The following ARHGAP39 variants were observed in gnomAD, a reference collection of about 807,000 sequenced individuals.
ARHGAP39 encodes the protein rho GTPase-activating protein 39.
In ARHGAP39, 44 loss-of-function variants were observed where a neutral mutation model predicts 106.9. The observed-to-expected ratio is 0.41, with a 90% CI of 0.32 to 0.53. ARHGAP39 has a LOEUF of 0.53. Among genes scored for constraint, ARHGAP39 ranks in the 20% least tolerant of loss-of-function variants. The pLI, the probability that ARHGAP39 is intolerant of heterozygous loss-of-function variation, is 0.21. For synonymous variants in ARHGAP39, 768 were observed against 693.2 expected (o/e 1.11, Z -1.69); for missense variants, 1,496 against 1,577.3 (o/e 0.95, Z 0.87).
rs568849744 is a variant in ARHGAP39 at position 144,622,331 on chromosome 8, T to C, written c.-81-16636A>G. On this transcript the variant is annotated intron_variant, in intron 1 of 11. Coordinates refer to ENST00000377307, the MANE Select transcript of ARHGAP39 (RefSeq NM_025251.3). Reference sequence around the variant, plus strand: ...GTAGGTTCCAGAAAAACTTCAGCAATGTCCTCACACCCCCATGGCCATGTC... The same window carrying C: ...GTAGGTTCCAGAAAAACTTCAGCAACGTCCTCACACCCCCATGGCCATGTC... 2.6e-4 allele frequency among the ~76,000 whole-genome samples: 39 copies of C among 152,024 alleles called. No individual in the cohort carries two copies. The South Asian group carries it at 7.7e-3, about 30-fold the overall frequency.
At position 144,580,941 on chromosome 8, in the gene ARHGAP39, G is replaced by A. The variant is rs371724981; in HGVS notation, c.417C>T (p.Ser139=). 8.7e-6 allele frequency: 14 copies of A among 1,605,266 alleles called. No homozygotes were observed. In the East Asian group the frequency reaches 2.0e-4, roughly 23 times the overall value. Residue 139 remains serine, a synonymous_variant, in exon 3 of 12, where the codon TCC becomes TCT. Transcript: ENST00000377307. Reference sequence around the variant, plus strand: ...TCTCAGTGTCGGGCTCGGGCTCCAGGGAGGAGCTGGTGCTGCCCTCACGGC... The same window carrying A: ...TCTCAGTGTCGGGCTCGGGCTCCAGAGAGGAGCTGGTGCTGCCCTCACGGC... ...SVSREGSTSS[S]LEPEPDTEKA...
At chr8:144,545,187 C>G (rs1817356444) in intron 6 of ARHGAP39, 62 bp downstream of exon 6, 1 of 1,399,098 alleles carries the variant, frequency 7.1e-7, no homozygotes, top group Non-Finnish European at 9.4e-7. Context: ...CCGCCCAGCA[C>G]AGCAGGAGCC....
rs1386818797 is a variant in ARHGAP39, at chr8:144,581,088, C to G, written c.270G>C (p.Thr90=). ...CGCAGCCCTGCGGCCGGTGCCACAC[C>G]GTGCGCTGCGTGCTGGCATTGTAGT... The part of the protein sequence containing the change: ...FYYYNASTQR[T]VWHRPQGCDI... The change falls in exon 3 of 12, where the codon ACG becomes ACC. Residue 90 remains threonine (T), a synonymous_variant. Coordinates refer to ENST00000377307, the MANE Select transcript of ARHGAP39 (RefSeq NM_025251.3). The G allele has an allele frequency of 1.9e-6, 3 of 1,589,516 alleles. No individual in the cohort carries two copies. The highest frequency in any genetic ancestry group is 2.3e-5 in the East Asian group (1 of 43,958).
At chr8:144,657,718 T>A (rs965405714) in intron 1 of ARHGAP39, among the ~76,000 whole-genome samples, 5 of 152,178 alleles carry the variant, frequency 3.3e-5, no homozygotes, top group African/African-American at 9.7e-5. Context: ...TTCACCATAT[T>A]AACAGACTAA....
At chr8:144,692,307 C>T in the ARHGAP39 span, among the ~76,000 whole-genome samples, 1 of 152,166 alleles carries the variant, frequency 6.6e-6, no homozygotes, top group African/African-American at 2.4e-5. Flanking sequence ...TGGCACCAAC[C>T]CTGGCACTAA....
At chr8:144,582,941 A>T (rs1482990053) in intron 2 of ARHGAP39, among the ~76,000 whole-genome samples, 1 of 152,186 alleles carries the variant, frequency 6.6e-6, no homozygotes, top group Admixed American at 6.5e-5. Context: ...AACTCCCCCC[A>T]AACAAATGCC....
Position 144,548,484 on chromosome 8 carries a change from G to T in ARHGAP39, c.602C>A (p.Ser201Tyr). The T allele has an allele frequency of 1.2e-6, 2 of 1,608,604 alleles. No homozygotes were observed. Among genetic ancestry groups the T allele is most frequent in the Non-Finnish European group, 1.7e-6 (2 of 1,179,090 alleles). Reference protein sequence around the residue: ...ADGQLLHYRTSSLRWNSGAKE... With the variant: ...ADGQLLHYRTYSLRWNSGAKE... The stretch of plus-strand genomic sequence containing the variant: ...GGCGCCCGAGTTCCACCGCAGCGAG[G>T]AGGTCCTGCGTGGGGGGTGGACGGG... The change falls in exon 5 of 12, where the codon TCC (serine) becomes TAC (tyrosine). Residue 201 changes from serine (S) to tyrosine (Y), a missense_variant. Coordinates refer to ENST00000377307, the MANE Select transcript of ARHGAP39 (RefSeq NM_025251.3). The surrounding 1 kb of genome is among the most constrained non-coding windows in gnomAD (Gnocchi z 7.4).
Position 144,639,077 on chromosome 8 carries a change from G to A in ARHGAP39, c.-81-33382C>T, listed in dbSNP as rs369024240. ...AGCGGTGGCTCACGCCTGTAATCCCGACACTTTGGGAGGCCGAGGCAGGTA... is the reference window on the plus strand; with the variant it reads ...AGCGGTGGCTCACGCCTGTAATCCCAACACTTTGGGAGGCCGAGGCAGGTA... On this transcript the variant is annotated intron_variant, in intron 1 of 11. Coordinates refer to ENST00000377307, the MANE Select transcript of ARHGAP39 (RefSeq NM_025251.3). 2.9e-4 allele frequency among the ~76,000 whole-genome samples: 44 copies of A among 152,160 alleles called. 1 individual carries two copies. Among genetic ancestry groups the A allele is most frequent in the South Asian group, 2.3e-3 (11 of 4,812 alleles).
At position 144,547,099 on chromosome 8, in the gene ARHGAP39, A is replaced by G. The variant is rs1470636636; in HGVS notation, c.1959+28T>C. On this transcript the variant is annotated intron_variant, in intron 5 of 11. Coordinates refer to ENST00000377307, the MANE Select transcript of ARHGAP39 (RefSeq NM_025251.3). This position sits in a 1 kb window ranked among gnomAD's most constrained non-coding sequence, Gnocchi z 5.2. The stretch of plus-strand genomic sequence containing the variant: ...TGACTGGGCTGGCCCCAGGCTCTCA[A>G]GCTCAGCCGCGCCCATTGGGCCCTC... 3 of 1,534,480 alleles carry G rather than the reference A, an allele frequency of 2.0e-6. No individual in the cohort carries two copies. The highest frequency in any genetic ancestry group is 1.8e-6 in the Non-Finnish European group (2 of 1,141,714).
intron 3 of ARHGAP39, among the ~76,000 whole-genome samples, chr8:144,562,039 C>T (rs1199139535): frequency 1.4e-5 from 2 of 145,340 alleles, no homozygotes; most frequent in Non-Finnish European, 3.0e-5. Flanking sequence ...TGGTTTCCAT[C>T]GGACTTACTC....
intron 2 of ARHGAP39, among the ~76,000 whole-genome samples, chr8:144,602,654 G>A (rs1323213603): frequency 7.1e-6 from 1 of 140,434 alleles, no homozygotes; most frequent in Non-Finnish European, 1.5e-5. Context: ...TCGTGTACCT[G>A]TGTGCATGGA....
rs148931312 is a variant in ARHGAP39, at chr8:144,538,649, C to T, written c.2522-836G>A. Among the ~76,000 whole-genome samples, 1,495 of 152,274 alleles carry T rather than the reference C, an allele frequency of 9.8e-3. 28 individuals are homozygous for T. The highest frequency in any genetic ancestry group is 0.034 in the African/African-American group (1,413 of 41,540). ...TCAGCTCACTGCAACCTCCACCCACCGCAGCCTCCACCTCCCGGGTTCAAG... is the reference window on the plus strand; with the variant it reads ...TCAGCTCACTGCAACCTCCACCCACTGCAGCCTCCACCTCCCGGGTTCAAG... On this transcript the variant is annotated intron_variant, in intron 6 of 11. Coordinates refer to ENST00000377307, the MANE Select transcript of ARHGAP39 (RefSeq NM_025251.3).
At chr8:144,628,105 G>C (rs1039125315) in intron 1 of ARHGAP39, among the ~76,000 whole-genome samples, 3 of 152,218 alleles carry the variant, frequency 2.0e-5, no homozygotes, top group African/African-American at 7.2e-5. Flanking sequence ...CTCACTCAGG[G>C]TATTTTGACA....
chr8:144,596,010 G>T (rs112232575), intron 2 of ARHGAP39, among the ~76,000 whole-genome samples: 3 of 152,242 alleles, frequency 2.0e-5, no homozygotes, highest in African/African-American at 7.2e-5. Context: ...TACCCGCAGA[G>T]GACACCCAGA....
intron 1 of ARHGAP39, among the ~76,000 whole-genome samples, chr8:144,620,052 G>A (rs562271605): frequency 8.4e-5 from 12 of 143,410 alleles, no homozygotes; most frequent in East Asian, 4.3e-4. Flanking sequence ...GTGCCTGTGC[G>A]TCCCTGAGAG....
intron 1 of ARHGAP39, among the ~76,000 whole-genome samples, chr8:144,657,409 C>CT (rs953913345): frequency 1.1e-4 from 17 of 152,088 alleles, no homozygotes; most frequent in African/African-American, 3.9e-4. Flanking sequence ...GCAGCCAACT[C>CT]TGATCATGCT....
At chr8:144,622,470 CA>C (rs557413794) in intron 1 of ARHGAP39, among the ~76,000 whole-genome samples, 120 of 152,118 alleles carry the variant, frequency 7.9e-4, no homozygotes, top group African/African-American at 2.9e-3. Flanking sequence ...GGCTCTGCCA[CA>C]ATGACCCGAG....
intron 3 of ARHGAP39, among the ~76,000 whole-genome samples, chr8:144,567,973 T>C (rs1339401507): frequency 6.6e-6 from 1 of 152,092 alleles, no homozygotes; most frequent in Admixed American, 6.6e-5. Context: ...TGTCTTTTCT[T>C]TTATCTCTTT....
Position 144,547,098 on chromosome 8 carries a change from A to AGCTGGGC in ARHGAP39, c.1959+28_1959+29insGCCCAGC. ...CTGACTGGGCTGGCCCCAGGCTCTC[A>AGCTGGGC]AGCTCAGCCGCGCCCATTGGGCCCT... On this transcript the variant is annotated intron_variant, in intron 5 of 11. Transcript: ENST00000377307. This position sits in a 1 kb window ranked among gnomAD's most constrained non-coding sequence, Gnocchi z 5.2. 2 of 1,533,222 alleles carry AGCTGGGC rather than the reference A, an allele frequency of 1.3e-6. No homozygotes were observed. Among genetic ancestry groups the AGCTGGGC allele is most frequent in the South Asian group, 2.6e-5 (2 of 77,164 alleles). The allele number at this position is 1,533,222 out of a possible 1,614,324, so 95.0% of individuals were successfully genotyped here.
Sources: gnomAD v4.1 joint callset for allele counts (sites outside exome capture counted in the v4.1 genomes callset) on GRCh38, gnomAD v4.1.1 for gene constraint, Gnocchi (gnomAD v3.1) non-coding constraint, MANE v1.5 for transcripts, NCBI Gene and HGNC (gene_info 2026-07-23, HGNC 2026-07-21) for gene names.